ZFAND2A: variants seen among roughly 807,000 people sequenced by gnomAD.
ZFAND2A encodes the protein AN1-type zinc finger protein 2A.
Under a neutral mutation model 11.6 loss-of-function variants are expected in ZFAND2A, and 20 were observed. The observed-to-expected ratio is 1.72, with a 90% CI of 1.21 to 2.50. ZFAND2A has a LOEUF of 2.50. Ranked by LOEUF, ZFAND2A falls within the 30% of genes most tolerant of loss-of-function variation. The pLI, the probability that ZFAND2A is intolerant of heterozygous loss-of-function variation, is 0.00. For missense variants in ZFAND2A, 234 were observed against 182.9 expected, an observed-to-expected ratio of 1.28 and a Z score of -1.61; for synonymous variants, 93 against 60.6, an observed-to-expected ratio of 1.54 and a Z score of -2.48.
chr7:1,157,402 G>C (rs937191803), intron 3 of ZFAND2A: 2 of 331,356 alleles, frequency 6.0e-6, no homozygotes, highest in East Asian at 1.1e-4. Context: ...ACAACTAAGT[G>C]ACTCCATGAG....
chr7:1,155,699 G>C, intron 3 of ZFAND2A, 115 bp from the exon 4 acceptor site: 1 of 1,380,358 alleles, frequency 7.2e-7, no homozygotes, highest in Middle Eastern at 2.0e-4. Flanking sequence ...ACAAAAACCG[G>C]TCTCCCGAGC....
intron 4 of ZFAND2A, among the ~76,000 whole-genome samples, chr7:1,153,514 T>A (rs189017476): frequency 1.9e-4 from 29 of 152,114 alleles, no homozygotes; most frequent in Admixed American, 1.8e-3. Context: ...AGTGCTAAGA[T>A]TACCTGTGTG....
At position 1,155,348 on chromosome 7, in the gene ZFAND2A, T is replaced by A. The variant is rs1793496921; in HGVS notation, c.282+105A>T. ...CAGCGTTAGGACTCTTCTTTTCTAC[T>A]TTGTACATAAACTATTGGGAGTAAT... On this transcript the variant is annotated intron_variant, in intron 4 of 4. Transcript: ENST00000316495. 2.7e-6 allele frequency: 4 copies of A among 1,496,776 alleles called. No homozygotes were observed. The Admixed American group carries it at 6.3e-5, about 24-fold the overall frequency. The allele number at this position is 1,496,776 out of a possible 1,614,324, so 92.7% of individuals were successfully genotyped here.
At chr7:1,152,895 GAAC>G (rs10600990), downstream of ZFAND2A, 9,072 of 1,007,002 alleles carry the variant, frequency 9.0e-3, 477 homozygotes, top group African/African-American at 0.12. Flanking sequence ...TGGGCAATGA[GAAC>G]AACTAGAATC....
At chr7:1,150,409 G>C (rs1326312266), downstream of ZFAND2A, among the ~76,000 whole-genome samples, 4 of 152,158 alleles carry the variant, frequency 2.6e-5, no homozygotes, top group Non-Finnish European at 4.4e-5. Context: ...GGGCAGTTCA[G>C]AACAGGACAG....
downstream of ZFAND2A, chr7:1,152,391 C>A: frequency 6.8e-7 from 1 of 1,479,944 alleles, no homozygotes; most frequent in Non-Finnish European, 9.1e-7. Context: ...GTGCTGACCG[C>A]AAGAACCCAC....
At chr7:1,148,971 A>T (rs1043509037), downstream of ZFAND2A, among the ~76,000 whole-genome samples, 3 of 149,246 alleles carry the variant, frequency 2.0e-5, no homozygotes, top group Non-Finnish European at 4.4e-5. Context: ...CTGGCTATTT[A>T]TTTTTTTTGA....
At chr7:1,151,762 T>TTAAAAA (rs1554344524), downstream of ZFAND2A, among the ~76,000 whole-genome samples, 570 of 87,180 alleles carry the variant, frequency 6.5e-3, 17 homozygotes, top group East Asian at 0.06. Flanking sequence ...TCATCCCTTT[T>TTAAAAA]AAAAAAAAAA....
chr7:1,150,223 G>A (rs926017705), downstream of ZFAND2A, among the ~76,000 whole-genome samples: 6 of 151,866 alleles, frequency 4.0e-5, no homozygotes, highest in East Asian at 7.7e-4. Flanking sequence ...GTCCGTCATC[G>A]ACAGAAACAT....
chr7:1,150,357 A>T (rs1793376486), downstream of ZFAND2A, among the ~76,000 whole-genome samples: 1 of 151,946 alleles, frequency 6.6e-6, no homozygotes, highest in South Asian at 2.1e-4. Flanking sequence ...GTTTTTGTGA[A>T]CTGTCTCAGC....
downstream of ZFAND2A, among the ~76,000 whole-genome samples, chr7:1,151,664 CAGG>C (rs1357362659): frequency 1.3e-5 from 2 of 150,698 alleles, no homozygotes; most frequent in South Asian, 4.2e-4. Context: ...GAGGCTGAGG[CAGG>C]AGAATTGCTA....
chr7:1,156,682 T>G lies in ZFAND2A; in HGVS notation c.150+974A>C, dbSNP rs1048446717. Among the ~76,000 whole-genome samples the G allele has an allele frequency of 3.9e-5, 6 of 152,272 alleles. No individual in the cohort carries two copies. In the East Asian group the frequency reaches 9.6e-4, roughly 24 times the overall value. ...GGAAAGGTCAATGAGAAAACCGAGG[T>G]GGCAACCGACATGGAACGGGTGGCA... On this transcript the variant is annotated intron_variant, in intron 3 of 4. Coordinates refer to ENST00000316495, the MANE Select transcript of ZFAND2A (RefSeq NM_182491.4).
At chr7:1,151,380 C>CG (rs1420711075), downstream of ZFAND2A, among the ~76,000 whole-genome samples, 3 of 151,982 alleles carry the variant, frequency 2.0e-5, no homozygotes, top group Non-Finnish European at 4.4e-5. Context: ...TGTCCTTCCC[C>CG]CTTCTTGGCC....
At chr7:1,156,639 G>A (rs1356820341) in intron 3 of ZFAND2A, among the ~76,000 whole-genome samples, 1 of 152,216 alleles carries the variant, frequency 6.6e-6, no homozygotes, top group East Asian at 1.9e-4. Flanking sequence ...AAAAACCTGA[G>A]CCAGGGCAGG....
downstream of ZFAND2A, among the ~76,000 whole-genome samples, chr7:1,151,332 G>C (rs2128256823): frequency 6.6e-6 from 1 of 152,200 alleles, no homozygotes; most frequent in African/African-American, 2.4e-5. Context: ...AGCACCTGTG[G>C]CCGCCGCTGG....
In ZFAND2A at chr7:1,153,576, C is replaced by CGG. The variant is rs1375230720; in HGVS notation, c.283-353_283-352insCC. Among the ~76,000 whole-genome samples, 19 of 152,326 alleles carry CGG rather than the reference C, an allele frequency of 1.2e-4. No homozygotes were observed. In the East Asian group the frequency reaches 3.7e-3, roughly 29 times the overall value. ...TAACAGCCTCCGGTAAGAACATTCC[C>CGG]ATTTAAACTGGACACAGTTCCTGTC... On this transcript the variant is annotated intron_variant, in intron 4 of 4. Transcript: ENST00000316495.
At chr7:1,152,402 A>C (rs74753202), downstream of ZFAND2A, 25,365 of 1,464,318 alleles carry the variant, frequency 0.017, 264 homozygotes, top group African/African-American at 0.03. Flanking sequence ...AAGAACCCAC[A>C]CAGCTTCCTG....
At chr7:1,151,762 T>TA (rs530920394), downstream of ZFAND2A, among the ~76,000 whole-genome samples, 120 of 87,148 alleles carry the variant, frequency 1.4e-3, 3 homozygotes, top group South Asian at 4.7e-3. Flanking sequence ...TCATCCCTTT[T>TA]AAAAAAAAAA....
rs760695582 is a variant in ZFAND2A, at chr7:1,155,471, A to G, written c.264T>C (p.Pro88=). ...DHIDRDCDSH[P]GKKKEKIFTY... is the part of the protein sequence containing the mutation. ...TCCTTACCTTCTCTTTCTTCTTCCCAGGGTGAGAGTCACAGTCTCTGTCAA... is the reference window on the plus strand; with the variant it reads ...TCCTTACCTTCTCTTTCTTCTTCCCGGGGTGAGAGTCACAGTCTCTGTCAA... Residue 88 remains proline (P), a synonymous_variant, in exon 4 of 5, where the codon CCT becomes CCC. Transcript: ENST00000316495. The G allele has an allele frequency of 5.6e-6, 9 of 1,613,640 alleles. No homozygotes were observed. The East Asian group carries it at 1.8e-4, about 32-fold the overall frequency.
Sources: gnomAD v4.1 joint callset for allele counts (sites outside exome capture counted in the v4.1 genomes callset) on GRCh38, gnomAD v4.1.1 for gene constraint, MANE v1.5 for transcripts, NCBI Gene and HGNC (gene_info 2026-07-23, HGNC 2026-07-21) for gene names.